SCARB1: variants seen among roughly 807,000 people sequenced by gnomAD.
SCARB1 encodes the protein CD36 and LIMPII analogous 1.
A neutral mutation model predicts 57.2 loss-of-function variants in SCARB1; 30 were observed. That is an observed-to-expected ratio of 0.52 (90% CI 0.39 to 0.71). The LOEUF is 0.71. SCARB1 is among the 30% of genes least tolerant of loss of function. The probability of loss-of-function intolerance (pLI) is 0.00; values close to 1 mark genes in which losing one functional copy is unlikely to be tolerated. For synonymous variants in SCARB1, 249 were observed against 268.3 expected (o/e 0.93, Z 0.70); for missense variants, 543 against 671.2 (o/e 0.81, Z 2.11).
rs529528963 is a variant in SCARB1, at chr12:124,854,744, TG to T, written c.126+8850del. On this transcript the variant is annotated intron_variant, in intron 1 of 12. Coordinates refer to ENST00000261693, the MANE Select transcript of SCARB1 (RefSeq NM_005505.5). ...GATGTTGGCCCGGGCAACTGGAAGA[TG>T]GGGGGGCTATGATGGAGTGGGAAGC... 5.9e-5 allele frequency among the ~76,000 whole-genome samples: 9 copies of T among 151,768 alleles called. No individual in the cohort carries two copies. The South Asian group carries it at 1.5e-3, about 25-fold the overall frequency.
At chr12:124,834,796 T>C (rs1377634631) in intron 1 of SCARB1, among the ~76,000 whole-genome samples, 1 of 152,130 alleles carries the variant, frequency 6.6e-6, no homozygotes, top group Non-Finnish European at 1.5e-5. Flanking sequence ...TAGTCCCAGC[T>C]ACTTGGGAGG....
intron 4 of SCARB1, among the ~76,000 whole-genome samples, chr12:124,813,290 T>C (rs1479067849): frequency 6.6e-6 from 1 of 152,154 alleles, no homozygotes; most frequent in African/African-American, 2.4e-5. Flanking sequence ...GCCCCACCAT[T>C]TTTTCCTTCT....
chr12:124,846,472 C>T lies in SCARB1; in HGVS notation c.126+17123G>A, dbSNP rs376630809. 5.3e-4 allele frequency among the ~76,000 whole-genome samples: 80 copies of T among 152,104 alleles called. 1 individual carries two copies. The East Asian group carries it at 0.014, about 26-fold the overall frequency. On this transcript the variant is annotated intron_variant, in intron 1 of 12. Coordinates refer to ENST00000261693, the MANE Select transcript of SCARB1 (RefSeq NM_005505.5). ...TCAGGGTTAAAACAGATGAACTGGC[C>T]GGGCGTGGTGGCTCACGCCTGTAAT...
chr12:124,856,127 G>A (rs1952612792), intron 1 of SCARB1, among the ~76,000 whole-genome samples: 1 of 152,234 alleles, frequency 6.6e-6, no homozygotes, highest in Admixed American at 6.5e-5. Flanking sequence ...TGCTGGGCCT[G>A]GCCCCAGAAA....
Position 124,817,909 on chromosome 12 carries a change from T to TTGG in SCARB1, c.127-203_127-202insCCA, listed in dbSNP as rs1950806413. On this transcript the variant is annotated intron_variant, in intron 1 of 12. Transcript: ENST00000261693. This position sits in a 1 kb window ranked among gnomAD's most constrained non-coding sequence, Gnocchi z 4.8. The stretch of plus-strand genomic sequence containing the variant: ...TGGAATTAAACAGGCAACCTATCCA[T>TTGG]GCTGTCATAATGCATCTTAAAATAT... Among the ~76,000 whole-genome samples, 1 of 152,312 alleles carries TTGG rather than the reference T, an allele frequency of 6.6e-6. No individual in the cohort carries two copies. Among genetic ancestry groups the TTGG allele is most frequent in the East Asian group, 1.9e-4 (1 of 5,180 alleles).
intron 1 of SCARB1, among the ~76,000 whole-genome samples, chr12:124,823,153 TTC>T (rs1491222252): frequency 6.6e-6 from 1 of 152,076 alleles, no homozygotes; most frequent in Non-Finnish European, 1.5e-5. Flanking sequence ...CGGGTGAAAA[TTC>T]TGTTTCCTGA....
At chr12:124,787,598 C>A in intron 9 of SCARB1, 141 bp from the exon 10 acceptor site, 1 of 729,820 alleles carries the variant, frequency 1.4e-6, no homozygotes, top group South Asian at 1.6e-5. Flanking sequence ...AAACAATGAG[C>A]TGAAACACTT....
At chr12:124,844,139 C>A (rs763593078) in intron 1 of SCARB1, among the ~76,000 whole-genome samples, 1 of 152,238 alleles carries the variant, frequency 6.6e-6, no homozygotes, top group Middle Eastern at 3.4e-3. Flanking sequence ...AAGGTACCCC[C>A]GTCGCTAAGG....
chr12:124,806,560 G>A (rs1950330731), intron 7 of SCARB1, among the ~76,000 whole-genome samples: 1 of 152,162 alleles, frequency 6.6e-6, no homozygotes, highest in South Asian at 2.1e-4. Flanking sequence ...TCAGGTCACA[G>A]GGTAAACGGG....
intron 1 of SCARB1, among the ~76,000 whole-genome samples, chr12:124,826,663 T>G (rs1450517534): frequency 6.6e-6 from 1 of 152,090 alleles, no homozygotes; most frequent in Non-Finnish European, 1.5e-5. Context: ...TCTCACTATG[T>G]TGCCCAGGCT....
intron 1 of SCARB1, among the ~76,000 whole-genome samples, chr12:124,861,491 A>T (rs1466793118): frequency 1.3e-5 from 2 of 152,006 alleles, no homozygotes; most frequent in African/African-American, 4.8e-5. Context: ...AAAAAAAAAT[A>T]AAAGCACAAG....
chr12:124,779,903 A>G (rs1346464546), intron 12 of SCARB1, among the ~76,000 whole-genome samples: 1 of 152,146 alleles, frequency 6.6e-6, no homozygotes, highest in Non-Finnish European at 1.5e-5. Context: ...CCCCGCCCCC[A>G]CACCACCCAC....
At chr12:124,811,162 A>G (rs1385158719) in intron 5 of SCARB1, among the ~76,000 whole-genome samples, 1 of 152,262 alleles carries the variant, frequency 6.6e-6, no homozygotes, top group Admixed American at 6.5e-5. Context: ...ATGGATGGGA[A>G]GAATATATCC....
chr12:124,802,227 C>T (rs1950159152), intron 7 of SCARB1, among the ~76,000 whole-genome samples: 1 of 151,580 alleles, frequency 6.6e-6, no homozygotes, highest in South Asian at 2.1e-4. Context: ...GAACCTGTTA[C>T]TGCATGAGGC....
intron 5 of SCARB1, among the ~76,000 whole-genome samples, chr12:124,811,278 T>C (rs1950516632): frequency 6.6e-6 from 1 of 152,152 alleles, no homozygotes; most frequent in Admixed American, 6.5e-5. Flanking sequence ...GTGAATCTCT[T>C]CTCTTTTTTT....
Position 124,815,028 on chromosome 12 carries a change from G to A in SCARB1, c.371C>T (p.Ser124Phe). ...LEYRTFQFQP[S>F]KSHGSESDYI... ...GTCGCTCTCCGAGCCGTGGGACTTG[G>A]AGGGCTGGAACTGGAAGGTGCGGTA... Residue 124 changes from serine (S) to phenylalanine (F), a missense_variant, in exon 3 of 13, where the codon TCC becomes TTC. By Grantham distance (155) the Ser-to-Phe change is radical (BLOSUM62 -2). Transcript: ENST00000261693. The A allele has an allele frequency of 6.2e-7, 1 of 1,614,254 alleles. No homozygotes were observed. The highest frequency in any genetic ancestry group is 8.5e-7 in the Non-Finnish European group (1 of 1,180,050).
intron 1 of SCARB1, 28 bp downstream of exon 1, chr12:124,863,567 C>T (rs755109170): frequency 6.3e-7 from 1 of 1,593,756 alleles, no homozygotes; most frequent in Non-Finnish European, 8.5e-7. Flanking sequence ...GGTCCGTGCG[C>T]GGACCCCCTG....
Position 124,785,949 on chromosome 12 carries a change from G to T in SCARB1, c.1401+408C>A, listed in dbSNP as rs578115894. On this transcript the variant is annotated intron_variant, in intron 11 of 12. Coordinates refer to ENST00000261693, the MANE Select transcript of SCARB1 (RefSeq NM_005505.5). ...TTACTTGGTTTTCATCTGTCTCCCCGGCTGGGATGCCAGCCCCCCTCAATC... is the reference window on the plus strand; with the variant it reads ...TTACTTGGTTTTCATCTGTCTCCCCTGCTGGGATGCCAGCCCCCCTCAATC... The T allele has an allele frequency of 4.1e-6, 4 of 968,646 alleles. No individual in the cohort carries two copies. In the African/African-American group the frequency reaches 6.6e-5, roughly 16 times the overall value. 60.0% of individuals were successfully genotyped at this position (968,646 alleles called of 1,614,324 possible).
At chr12:124,838,354 C>T (rs1035217848) in intron 1 of SCARB1, among the ~76,000 whole-genome samples, 6 of 152,210 alleles carry the variant, frequency 3.9e-5, no homozygotes, top group South Asian at 2.1e-4. Flanking sequence ...CCATCCTCCC[C>T]GTGGCAGTGC....
Sources: allele counts gnomAD v4.1 joint callset (sites outside exome capture counted in the v4.1 genomes callset), GRCh38; gene constraint gnomAD v4.1.1; non-coding constraint Gnocchi (gnomAD v3.1); transcripts MANE v1.5; gene names NCBI Gene and HGNC (gene_info 2026-07-23, HGNC 2026-07-21).